CACNA1D: variants seen among roughly 807,000 people sequenced by gnomAD.
The protein encoded by CACNA1D is voltage-dependent L-type calcium channel subunit alpha-1D.
A neutral mutation model predicts 257.1 loss-of-function variants in CACNA1D; 55 were observed. The observed-to-expected ratio is 0.21, with a 90% confidence interval of 0.17 to 0.27. The LOEUF (loss-of-function observed/expected upper bound fraction) is 0.27. CACNA1D is among the 10% of genes least tolerant of loss of function. The pLI is 1.00. For synonymous variants in CACNA1D, 980 were observed against 1,014.9 expected (o/e 0.97, Z 0.65); for missense variants, 1,876 against 2,784.0 (o/e 0.67, Z 7.34).
At position 53,625,708 on chromosome 3, in the gene CACNA1D, G is replaced by A. The variant is rs149048801; in HGVS notation, c.484-25071G>A. ...GTTGGGAATAGACAAGGAATTTGCC[G>A]AAACTATAATCCATAACCACCCAGA... On this transcript the variant is annotated intron_variant, in intron 3 of 47. Transcript: ENST00000350061. 6.6e-5 allele frequency among the ~76,000 whole-genome samples: 10 copies of A among 152,280 alleles called. 1 individual carries two copies. Among genetic ancestry groups the A allele is most frequent in the South Asian group, 2.1e-4 (1 of 4,810 alleles).
chr3:53,499,450 C>A (rs969332071), intron 2 of CACNA1D, among the ~76,000 whole-genome samples: 1 of 152,068 alleles, frequency 6.6e-6, no homozygotes, highest in Non-Finnish European at 1.5e-5. Context: ...TTTGTTTTTA[C>A]AGACAGGCAT....
chr3:53,754,905 T>C (rs753611547), intron 29 of CACNA1D, among the ~76,000 whole-genome samples: 3 of 152,244 alleles, frequency 2.0e-5, no homozygotes, highest in African/African-American at 2.4e-5. Flanking sequence ...CTCTATGCAA[T>C]CTTTATCAGA....
chr3:53,718,690 G>T (rs867994032), intron 10 of CACNA1D: 1 of 1,557,498 alleles, frequency 6.4e-7, no homozygotes, highest in Admixed American at 1.9e-5. Flanking sequence ...AGGTGCTGGT[G>T]GAGACGGAGA....
intron 32 of CACNA1D, 73 bp from the exon 33 acceptor site, chr3:53,772,760 G>T (rs1576621894): frequency 2.8e-6 from 3 of 1,077,298 alleles, no homozygotes; most frequent in Non-Finnish European, 4.3e-6. Flanking sequence ...CCACTCATGG[G>T]TCTTCTCAGG....
chr3:53,664,765 A>C (rs1418200071), intron 5 of CACNA1D, among the ~76,000 whole-genome samples: 1 of 152,254 alleles, frequency 6.6e-6, no homozygotes, highest in East Asian at 1.9e-4. Flanking sequence ...TGGGGGACTG[A>C]ACAAAGGATG....
intron 3 of CACNA1D, among the ~76,000 whole-genome samples, chr3:53,511,399 G>T (rs1264347821): frequency 6.6e-6 from 1 of 152,104 alleles, no homozygotes; most frequent in African/African-American, 2.4e-5. Context: ...TTATCCTTTC[G>T]ACAAAGGGAA....
chr3:53,589,369 T>A (rs1366371046), intron 3 of CACNA1D, among the ~76,000 whole-genome samples: 4 of 152,066 alleles, frequency 2.6e-5, no homozygotes, highest in African/African-American at 4.8e-5. Context: ...TTCTGTGAGC[T>A]CTCAGCCGTC....
At chr3:53,597,371 C>T (rs575059752) in intron 3 of CACNA1D, among the ~76,000 whole-genome samples, 1 of 152,320 alleles carries the variant, frequency 6.6e-6, no homozygotes, top group Admixed American at 6.5e-5. Context: ...ACTAGGATTG[C>T]AGGAGCTCAG....
chr3:53,508,258 G>C (rs910813826), intron 3 of CACNA1D, among the ~76,000 whole-genome samples: 1 of 152,038 alleles, frequency 6.6e-6, no homozygotes, highest in Admixed American at 6.6e-5. Flanking sequence ...CCATCACCTA[G>C]GTATTAAGCC....
At chr3:53,563,294 C>T (rs192728533) in intron 3 of CACNA1D, among the ~76,000 whole-genome samples, 4 of 152,146 alleles carry the variant, frequency 2.6e-5, no homozygotes, top group East Asian at 3.9e-4. Context: ...GAGGCCAAGG[C>T]GGATGGATCA....
intron 31 of CACNA1D, among the ~76,000 whole-genome samples, 175 bp downstream of exon 31, chr3:53,770,192 T>C: frequency 6.6e-6 from 1 of 152,218 alleles, no homozygotes; most frequent in East Asian, 1.9e-4. Context: ...AGCGTTCTCC[T>C]CTAACACAGT....
Position 53,685,311 on chromosome 3 carries a change from G to A in CACNA1D, c.1220+12185G>A, listed in dbSNP as rs150128030. On this transcript the variant is annotated intron_variant, in intron 8 of 47. Coordinates refer to ENST00000350061, the MANE Select transcript of CACNA1D (RefSeq NM_001128840.3). ...GTGTTGGCACCTAAATACAGCTTGAGAGTACATGAAGCAAAAGTTGTTAAA... is the reference window on the plus strand; with the variant it reads ...GTGTTGGCACCTAAATACAGCTTGAAAGTACATGAAGCAAAAGTTGTTAAA... Among the ~76,000 whole-genome samples the A allele has an allele frequency of 2.2e-3, 342 of 152,272 alleles. 1 individual carries two copies. The highest frequency in any genetic ancestry group is 4.2e-3 in the Non-Finnish European group (283 of 67,992).
Position 53,706,975 on chromosome 3 carries a change from T to C in CACNA1D, c.1390+4165T>C, listed in dbSNP as rs745447924. On this transcript the variant is annotated intron_variant, in intron 9 of 47. Coordinates refer to ENST00000350061, the MANE Select transcript of CACNA1D (RefSeq NM_001128840.3). ...TTAGGACCATTGCCCTGTGCTTTTC[T>C]GTTCAGAAACTATAAAGTTCTGAAG... is the stretch of plus-strand genomic sequence containing the variant. 5.3e-5 allele frequency among the ~76,000 whole-genome samples: 8 copies of C among 152,312 alleles called. No homozygotes were observed. In the East Asian group the frequency reaches 1.5e-3, roughly 29 times the overall value.
At chr3:53,512,042 G>A (rs979364142) in intron 3 of CACNA1D, among the ~76,000 whole-genome samples, 3 of 152,112 alleles carry the variant, frequency 2.0e-5, no homozygotes, top group Non-Finnish European at 4.4e-5. Flanking sequence ...GCTTTGAAAC[G>A]GTGTGAAAGC....
At position 53,538,271 on chromosome 3, in the gene CACNA1D, C is replaced by G. The variant is rs2092183425; in HGVS notation, c.483+36551C>G. On this transcript the variant is annotated intron_variant, in intron 3 of 47. Coordinates refer to ENST00000350061, the MANE Select transcript of CACNA1D (RefSeq NM_001128840.3). ...CAAGCGTTTCTCGTGCCTTAGCTTA[C>G]TGAGTACCTGGGACTACAGGCGCAC... Among the ~76,000 whole-genome samples, 8 of 148,310 alleles carry G rather than the reference C, an allele frequency of 5.4e-5. No individual in the cohort carries two copies. In the Admixed American group the frequency reaches 5.4e-4, roughly 10 times the overall value.
chr3:53,508,006 T>G (rs1334673044), intron 3 of CACNA1D, among the ~76,000 whole-genome samples: 4 of 152,126 alleles, frequency 2.6e-5, no homozygotes, highest in Non-Finnish European at 4.4e-5. Context: ...TCACCAGCAT[T>G]CTATCCCTGC....
chr3:53,499,981 C>T (rs2107107597), intron 2 of CACNA1D, among the ~76,000 whole-genome samples: 1 of 152,036 alleles, frequency 6.6e-6, no homozygotes, highest in South Asian at 2.1e-4. Flanking sequence ...TGAATTAAAG[C>T]TGACTGGCTT....
intron 8 of CACNA1D, among the ~76,000 whole-genome samples, chr3:53,694,001 A>C (rs931310553): frequency 2.6e-4 from 39 of 152,332 alleles, no homozygotes; most frequent in African/African-American, 7.5e-4. Context: ...AAGAAATAAA[A>C]GTTCCCACAG....
intron 3 of CACNA1D, among the ~76,000 whole-genome samples, chr3:53,627,625 G>A (rs947109433): frequency 1.6e-5 from 2 of 123,442 alleles, no homozygotes; most frequent in Non-Finnish European, 1.7e-5. Context: ...GGGGGGTGGG[G>A]GATGGTGGAA....
Sources: allele counts gnomAD v4.1 joint callset (sites outside exome capture counted in the v4.1 genomes callset), GRCh38; gene constraint gnomAD v4.1.1; transcripts MANE v1.5; gene names NCBI Gene and HGNC (gene_info 2026-07-23, HGNC 2026-07-21).